KIRREL1: variants seen among roughly 807,000 people sequenced by gnomAD.
KIRREL1 encodes kirre like nephrin family adhesion molecule 1, also known as kin of IRRE-like protein 1.
A neutral mutation model predicts 83.3 loss-of-function variants in KIRREL1; 25 were observed. The observed-to-expected ratio is 0.30, with a 90% CI of 0.22 to 0.42. The LOEUF is 0.42. KIRREL1 is among the 10% of genes least tolerant of loss of function. The pLI is 1.00. For missense variants in KIRREL1, 812 were observed against 1,032.3 expected, an observed-to-expected ratio of 0.79 and a Z score of 2.92; for synonymous variants, 388 against 410.4, an observed-to-expected ratio of 0.95 and a Z score of 0.66.
At chr1:158,086,255 T>A (rs1444022643) in intron 4 of KIRREL1, among the ~76,000 whole-genome samples, 1 of 152,118 alleles carries the variant, frequency 6.6e-6, no homozygotes, top group Non-Finnish European at 1.5e-5. Context: ...CTCCAAAAGA[T>A]AGTCTGTGAT....
chr1:158,040,225 C>T (rs932643258), intron 1 of KIRREL1, among the ~76,000 whole-genome samples: 3 of 152,168 alleles, frequency 2.0e-5, no homozygotes, highest in African/African-American at 7.2e-5. Flanking sequence ...AAGACCATTC[C>T]TGGGCTTGAC....
chr1:158,040,596 A>G (rs1660597679), intron 1 of KIRREL1, among the ~76,000 whole-genome samples: 1 of 152,252 alleles, frequency 6.6e-6, no homozygotes, highest in African/African-American at 2.4e-5. Context: ...CACTTTGCCT[A>G]GGCAAGTTAG....
chr1:158,087,663 C>T, intron 5 of KIRREL1, 92 bp from the exon 6 acceptor site: 1 of 818,028 alleles, frequency 1.2e-6, no homozygotes. Context: ...AGATCCCCGC[C>T]AGAGTGGTCA....
At position 158,089,735 on chromosome 1, in the gene KIRREL1, A is replaced by G; in HGVS notation, c.1189A>G (p.Ser397Gly). Reference sequence around the variant, plus strand: ...GCTTGCAGGGCCCCCCATCATCTCCAGTGAGGCAGTGCAGTATGCTGTGAG... The same window carrying G: ...GCTTGCAGGGCCCCCCATCATCTCCGGTGAGGCAGTGCAGTATGCTGTGAG... ...LYVNGPPIIS[S>G]EAVQYAVRGD... Residue 397 changes from serine (S) to glycine (G), a missense_variant, in exon 10 of 15, where the codon AGT becomes GGT. Ser to Gly is a moderately conservative substitution (Grantham distance 56, BLOSUM62 0). Transcript: ENST00000359209. The G allele has an allele frequency of 6.2e-7, 1 of 1,614,004 alleles. No homozygotes were observed. Among genetic ancestry groups the G allele is most frequent in the Non-Finnish European group, 8.5e-7 (1 of 1,179,974 alleles).
intron 1 of KIRREL1, among the ~76,000 whole-genome samples, chr1:158,074,928 G>A (rs941350434): frequency 6.6e-6 from 1 of 152,186 alleles, no homozygotes; most frequent in African/African-American, 2.4e-5. Context: ...AGCTGTGGAG[G>A]GAAAGAAGAA....
chr1:157,993,818 C>T (rs1659112315), intron 1 of KIRREL1, 90 bp downstream of exon 1: 1 of 829,178 alleles, frequency 1.2e-6, no homozygotes, highest in Non-Finnish European at 1.7e-6. Context: ...GAGTGCCCCG[C>T]GGCCCGCGGC....
intron 1 of KIRREL1, among the ~76,000 whole-genome samples, chr1:158,040,629 T>C (rs992631090): frequency 2.0e-5 from 3 of 152,222 alleles, no homozygotes; most frequent in Non-Finnish European, 4.4e-5. Context: ...GTGGAGGTGG[T>C]TTTTGAGCTT....
In KIRREL1 at chr1:158,089,443, C is replaced by T. The variant is rs375063227; in HGVS notation, c.1045-59C>T. 506 of 1,606,902 alleles carry T rather than the reference C, an allele frequency of 3.1e-4. 5 individuals are homozygous for T. In the South Asian group the frequency reaches 5.5e-3, roughly 17 times the overall value. The stretch of plus-strand genomic sequence containing the variant: ...TCCGATGCCTCCGATGTGGGGCCCT[C>T]ATGGACCTAGGGGCCCAGGCCTCCT... On this transcript the variant is annotated intron_variant, in intron 8 of 14. Transcript: ENST00000359209.
intron 1 of KIRREL1, among the ~76,000 whole-genome samples, chr1:158,052,507 C>T (rs771653248): frequency 1.8e-4 from 27 of 152,056 alleles, no homozygotes; most frequent in Non-Finnish European, 2.8e-4. Flanking sequence ...ATACAGGGCG[C>T]GGTGGCTCAC....
In KIRREL1 at chr1:158,078,104, G is replaced by A. The variant is rs1661739981; in HGVS notation, c.316G>A (p.Ala106Thr). The A allele has an allele frequency of 8.1e-6, 13 of 1,614,102 alleles. No individual in the cohort carries two copies. Among genetic ancestry groups the A allele is most frequent in the African/African-American group, 2.7e-5 (2 of 75,040 alleles). Residue 106 changes from alanine (A) to threonine (T), a missense_variant, in exon 3 of 15, where the codon GCC (alanine) becomes ACC (threonine). Ala to Thr is a moderately conservative substitution (Grantham distance 58, BLOSUM62 0). Around this residue, in one of 3 missense-constraint regions of KIRREL1, gnomAD observed 472 missense variants for 626.8 expected, o/e 0.75. Coordinates refer to ENST00000359209, the MANE Select transcript of KIRREL1 (RefSeq NM_018240.7). Reference sequence around the variant, plus strand: ...TTACGAGTGCCAGGCCACGGAGGCCGCCCTGCGCTCTCGGCGGGCCAAACT... The same window carrying A: ...TTACGAGTGCCAGGCCACGGAGGCCACCCTGCGCTCTCGGCGGGCCAAACT... ...ASYECQATEA[A>T]LRSRRAKLTV...
intron 3 of KIRREL1, among the ~76,000 whole-genome samples, chr1:158,081,338 G>C (rs771072828): frequency 6.6e-6 from 1 of 152,224 alleles, no homozygotes; most frequent in Non-Finnish European, 1.5e-5. Context: ...AATATACTTT[G>C]TGGTAGGGAT....
At chr1:158,034,228 C>T (rs1311551206) in intron 1 of KIRREL1, among the ~76,000 whole-genome samples, 2 of 142,078 alleles carry the variant, frequency 1.4e-5, no homozygotes, top group Non-Finnish European at 3.0e-5. Flanking sequence ...CGAGATAGCG[C>T]CAATGCAGTC....
At chr1:158,057,566 A>G (rs773327629) in intron 1 of KIRREL1, among the ~76,000 whole-genome samples, 2 of 152,148 alleles carry the variant, frequency 1.3e-5, no homozygotes, top group Non-Finnish European at 1.5e-5. Context: ...GTTCATATCC[A>G]TAGCCACTGC....
intron 1 of KIRREL1, among the ~76,000 whole-genome samples, chr1:158,044,142 C>T (rs1424786465): frequency 6.6e-6 from 1 of 152,122 alleles, no homozygotes; most frequent in African/African-American, 2.4e-5. Flanking sequence ...GGACATGGCC[C>T]CTGCCTTTGT....
chr1:158,003,866 G>A (rs1366363525), intron 1 of KIRREL1, among the ~76,000 whole-genome samples: 5 of 151,960 alleles, frequency 3.3e-5, no homozygotes, highest in Non-Finnish European at 5.9e-5. Context: ...TATCTGCACC[G>A]CTGCCACTCT....
intron 1 of KIRREL1, among the ~76,000 whole-genome samples, chr1:158,052,703 A>C (rs1660942533): frequency 6.6e-6 from 1 of 151,890 alleles, no homozygotes; most frequent in Admixed American, 6.6e-5. Flanking sequence ...GGAGAATGGC[A>C]TGAACCCGGG....
intron 1 of KIRREL1, among the ~76,000 whole-genome samples, chr1:158,020,904 A>T (rs1315176543): frequency 6.6e-6 from 1 of 152,222 alleles, no homozygotes; most frequent in Non-Finnish European, 1.5e-5. Flanking sequence ...TAACTGAGAC[A>T]TAAACGTTTT....
chr1:158,091,474 G>A lies in KIRREL1; in HGVS notation c.1389G>A (p.Glu463=). The A allele has an allele frequency of 6.2e-7, 1 of 1,614,260 alleles. No homozygotes were observed. Among genetic ancestry groups the A allele is most frequent in the Non-Finnish European group, 8.5e-7 (1 of 1,180,048 alleles). ...CGCTCACCATCAACAATGTCATGGA[G>A]GCCGACTTTCAGACTCACTACAACT... The part of the protein sequence containing the change: ...LSTLTINNVM[E]ADFQTHYNCT... The change falls in exon 11 of 15, where the codon GAG becomes GAA. Residue 463 remains glutamate, a synonymous_variant. Transcript: ENST00000359209.
At chr1:158,076,356 C>T in intron 2 of KIRREL1, 94 bp downstream of exon 2, 1 of 1,089,358 alleles carries the variant, frequency 9.2e-7, no homozygotes, top group South Asian at 1.4e-5. Context: ...TCCCTTAGTT[C>T]CCTCACCACC....
Sources: gnomAD v4.1 joint callset for allele counts (sites outside exome capture counted in the v4.1 genomes callset) on GRCh38, gnomAD v4.1.1 for gene constraint, gnomAD v4.1.1 regional missense constraint, MANE v1.5 for transcripts, NCBI Gene and HGNC (gene_info 2026-07-23, HGNC 2026-07-21) for gene names.